FAM50B: variants seen among roughly 807,000 people sequenced by gnomAD.
The protein encoded by FAM50B is family with sequence similarity 50 member B.
In FAM50B, 9 loss-of-function variants were observed where a neutral mutation model predicts 25.4. The ratio of observed to expected loss-of-function variants is 0.35; its 90% confidence interval spans 0.21 to 0.62. The LOEUF (loss-of-function observed/expected upper bound fraction) is 0.62, where lower values mean the gene tolerates loss of function less well. FAM50B is among the 20% of genes least tolerant of loss of function. The pLI, the probability that FAM50B is intolerant of heterozygous loss-of-function variation, is 0.73. For missense variants in FAM50B, 372 were observed against 477.9 expected (o/e 0.78, Z 2.07); for synonymous variants, 212 against 204.3 (o/e 1.04, Z -0.32).
At chr6:3,844,146 T>G in the FAM50B span, among the ~76,000 whole-genome samples, 1 of 152,244 alleles carries the variant, frequency 6.6e-6, no homozygotes, top group Non-Finnish European at 1.5e-5. Flanking sequence ...GTTCTTTTTC[T>G]CTTGTTAAAA....
In FAM50B at chr6:3,850,249, C is replaced by G. The variant is rs201214003; in HGVS notation, c.438C>G (p.Pro146=). 1 of 1,613,196 alleles carries G rather than the reference C, an allele frequency of 6.2e-7. No homozygotes were observed. Among genetic ancestry groups the G allele is most frequent in the East Asian group, 2.2e-5 (1 of 44,858 alleles). Residue 146 remains proline, a synonymous_variant, in exon 2 of 2, where the codon CCC becomes CCG. Transcript: ENST00000648326. ...GCGCCGGAAACCTGGGCAAGAACCC[C>G]GACGTGGACACCAGCTTCCTGCCAG... is the stretch of plus-strand genomic sequence containing the variant. The part of the protein sequence containing the change: ...ARRAGNLGKN[P]DVDTSFLPDR...
chr6:3,832,924 C>T, the FAM50B span, among the ~76,000 whole-genome samples: 4 of 152,074 alleles, frequency 2.6e-5, no homozygotes, highest in African/African-American at 7.2e-5. Flanking sequence ...CAGTGGTACA[C>T]GATCTTGGCT....
upstream of FAM50B, among the ~76,000 whole-genome samples, chr6:3,846,975 T>A (rs537528890): frequency 6.6e-6 from 1 of 152,340 alleles, no homozygotes; most frequent in South Asian, 2.1e-4. Flanking sequence ...AAAGGAATAA[T>A]CAGAGCAGTA....
chr6:3,847,716 G>A (rs1435935782), upstream of FAM50B, among the ~76,000 whole-genome samples: 1 of 152,208 alleles, frequency 6.6e-6, no homozygotes, highest in Non-Finnish European at 1.5e-5. Context: ...TTTGGCAAAA[G>A]AGGCCTAGCT....
In FAM50B at chr6:3,850,239, G is replaced by A. The variant is rs1561775679; in HGVS notation, c.428G>A (p.Gly143Asp). Reference sequence around the variant, plus strand: ...GAGGCCAGGCGCGCCGGAAACCTGGGCAAGAACCCCGACGTGGACACCAGC... The same window carrying A: ...GAGGCCAGGCGCGCCGGAAACCTGGACAAGAACCCCGACGTGGACACCAGC... Reference protein sequence around the residue: ...AAEARRAGNLGKNPDVDTSFL... With the variant: ...AAEARRAGNLDKNPDVDTSFL... Residue 143 changes from glycine to aspartate, a missense_variant, in exon 2 of 2, where the codon GGC becomes GAC. Gly to Asp is a moderately conservative substitution (Grantham distance 94, BLOSUM62 -1). Coordinates refer to ENST00000648326, the MANE Select transcript of FAM50B (RefSeq NM_012135.3). The A allele has an allele frequency of 6.2e-7, 1 of 1,613,276 alleles. No individual in the cohort carries two copies. Among genetic ancestry groups the A allele is most frequent in the East Asian group, 2.2e-5 (1 of 44,862 alleles).
the FAM50B span, among the ~76,000 whole-genome samples, chr6:3,839,274 A>G: frequency 3.3e-5 from 5 of 151,966 alleles, no homozygotes; most frequent in Admixed American, 3.3e-4. Flanking sequence ...TTAACAACCA[A>G]CTTTCTCAGA....
Position 3,851,074 on chromosome 6 carries a change from G to T in FAM50B, c.*285G>T. The T allele has an allele frequency of 2.4e-6, 1 of 425,076 alleles. No homozygotes were observed. Among genetic ancestry groups the T allele is most frequent in the Non-Finnish European group, 4.4e-6 (1 of 229,070 alleles). 26.3% of individuals were successfully genotyped at this position (425,076 alleles called of 1,614,324 possible). On this transcript the variant is annotated 3_prime_UTR_variant, in exon 2 of 2. Transcript: ENST00000648326. The stretch of plus-strand genomic sequence containing the variant: ...CTGTCAGACAGAAATTAGAATAGGA[G>T]GCACATTTTTTACCTGGTGGTTATG...
At chr6:3,841,223 A>G in the FAM50B span, among the ~76,000 whole-genome samples, 5 of 152,256 alleles carry the variant, frequency 3.3e-5, no homozygotes, top group Admixed American at 3.3e-4. Flanking sequence ...TGTTTAAAGA[A>G]TAAACCCTAA....
At chr6:3,843,239 T>G in the FAM50B span, among the ~76,000 whole-genome samples, 2 of 152,094 alleles carry the variant, frequency 1.3e-5, no homozygotes, top group Non-Finnish European at 2.9e-5. Flanking sequence ...AACATAGCAA[T>G]GTAAGAATTA....
chr6:3,833,270 T>C, the FAM50B span, among the ~76,000 whole-genome samples: 1 of 152,316 alleles, frequency 6.6e-6, no homozygotes, highest in African/African-American at 2.4e-5. Context: ...GAGCTGAGAA[T>C]TTAGAATCAT....
At chr6:3,840,093 C>T in the FAM50B span, among the ~76,000 whole-genome samples, 7 of 152,062 alleles carry the variant, frequency 4.6e-5, no homozygotes, top group African/African-American at 9.7e-5. Context: ...CCCGGGTTCA[C>T]GCCATTCCCC....
At chr6:3,846,106 CAAAG>C (rs1762118098), upstream of FAM50B, among the ~76,000 whole-genome samples, 1 of 152,146 alleles carries the variant, frequency 6.6e-6, no homozygotes, top group East Asian at 1.9e-4. Context: ...AGAGGACAAA[CAAAG>C]AGATTCTGAT....
chr6:3,844,064 A>G, the FAM50B span, among the ~76,000 whole-genome samples: 1 of 152,242 alleles, frequency 6.6e-6, no homozygotes, highest in Non-Finnish European at 1.5e-5. Context: ...GGTGGAAAGC[A>G]ACATGAAAAC....
At chr6:3,834,179 A>G in the FAM50B span, among the ~76,000 whole-genome samples, 2 of 152,112 alleles carry the variant, frequency 1.3e-5, no homozygotes, top group Admixed American at 6.6e-5. Context: ...CAGGCATTTT[A>G]AAACCTATAA....
the FAM50B span, among the ~76,000 whole-genome samples, chr6:3,840,894 A>G: frequency 1.3e-5 from 2 of 152,250 alleles, no homozygotes; most frequent in Admixed American, 6.5e-5. Context: ...AAGAAATGAA[A>G]AAAAGCTTTA....
At chr6:3,842,817 T>A in the FAM50B span, among the ~76,000 whole-genome samples, 5 of 152,244 alleles carry the variant, frequency 3.3e-5, no homozygotes, top group Admixed American at 3.3e-4. Context: ...ACATTTGCTG[T>A]ACGTTTCTAA....
At chr6:3,838,872 G>GA in the FAM50B span, among the ~76,000 whole-genome samples, 5 of 135,096 alleles carry the variant, frequency 3.7e-5, no homozygotes, top group African/African-American at 5.5e-5. Context: ...ACACACACAA[G>GA]AAAAAAAAGA....
chr6:3,843,362 C>T, the FAM50B span, among the ~76,000 whole-genome samples: 1 of 152,040 alleles, frequency 6.6e-6, no homozygotes, highest in Non-Finnish European at 1.5e-5. Flanking sequence ...TGAAAATAAC[C>T]CTTTCAGGAT....
intron 1 of FAM50B, 131 bp downstream of exon 1, chr6:3,849,617 TG>T (rs1190779205): frequency 1.0e-6 from 1 of 972,946 alleles, no homozygotes; most frequent in Non-Finnish European, 1.5e-6. Flanking sequence ...AATAAAATGC[TG>T]GAAATTGGTG....
Sources: gnomAD v4.1 joint callset for allele counts (sites outside exome capture counted in the v4.1 genomes callset) on GRCh38, gnomAD v4.1.1 for gene constraint, MANE v1.5 for transcripts, NCBI Gene and HGNC (gene_info 2026-07-23, HGNC 2026-07-21) for gene names.